ALMS1: variants seen among roughly 807,000 people sequenced by gnomAD.
ALMS1 encodes the protein centrosome-associated protein ALMS1.
ALMS1 carries 271 observed loss-of-function variants against 352.2 expected under a neutral mutation model. That is an observed-to-expected ratio of 0.77 (90% CI 0.70 to 0.85). The LOEUF is 0.85. Among genes scored for constraint, ALMS1 ranks in the 40% least tolerant of loss-of-function variants. ALMS1 has a pLI of 0.00. For missense variants in ALMS1, 5,445 were observed against 4,870.7 expected (o/e 1.12, Z -3.51); for synonymous variants, 1,865 against 1,761.2 (o/e 1.06, Z -1.48).
chr2:73,403,657 T>C (rs1670915503), intron 1 of ALMS1, among the ~76,000 whole-genome samples: 1 of 152,212 alleles, frequency 6.6e-6, no homozygotes, highest in Non-Finnish European at 1.5e-5. Context: ...TTTCAGTCTG[T>C]GAACATGGAA....
At chr2:73,553,264 A>G (rs1337169969) in intron 13 of ALMS1, among the ~76,000 whole-genome samples, 1 of 152,226 alleles carries the variant, frequency 6.6e-6, no homozygotes, top group Non-Finnish European at 1.5e-5. Flanking sequence ...AGAGAAAATT[A>G]TTTCACTAAA....
intron 3 of ALMS1, among the ~76,000 whole-genome samples, chr2:73,421,007 A>G (rs988526614): frequency 1.2e-4 from 19 of 152,190 alleles, no homozygotes; most frequent in African/African-American, 4.6e-4. Flanking sequence ...ATGGCAAGTA[A>G]AATACACCAC....
intron 9 of ALMS1, among the ~76,000 whole-genome samples, chr2:73,473,703 A>G (rs562151711): frequency 6.6e-6 from 1 of 152,246 alleles, no homozygotes; most frequent in Non-Finnish European, 1.5e-5. Context: ...TATAAAAAGG[A>G]AACAAATAGA....
chr2:73,553,786 A>G (rs6740766), intron 13 of ALMS1, among the ~76,000 whole-genome samples: 46,325 of 152,010 alleles, frequency 0.3, 8,614 homozygotes, highest in African/African-American at 0.53. Flanking sequence ...ATGAAAGGAT[A>G]TATATGGGTA....
rs1553409872 is a variant in ALMS1, at chr2:73,491,336, A to G, written c.9377A>G (p.Gln3126Arg). The G allele has an allele frequency of 5.6e-6, 9 of 1,614,218 alleles. No individual in the cohort carries two copies. Among genetic ancestry groups the G allele is most frequent in the Non-Finnish European group, 7.6e-6 (9 of 1,180,028 alleles). The change falls in exon 10 of 23, where the codon CAA becomes CGA. Residue 3126 changes from glutamine (Q) to arginine (R), a missense_variant. Coordinates refer to ENST00000613296, the MANE Select transcript of ALMS1 (RefSeq NM_001378454.1). The part of the protein sequence containing the change: ...FLGPKSSLDF[Q>R]VVQPSLPDSN... ...GGACCTAAATCTTCACTGGATTTCC[A>G]AGTCGTACAGCCTTCTCTTCCAGAC...
At chr2:73,506,856 G>A (rs564101072) in intron 10 of ALMS1, among the ~76,000 whole-genome samples, 6 of 152,040 alleles carry the variant, frequency 3.9e-5, no homozygotes, top group Admixed American at 1.3e-4. Flanking sequence ...GCATTGTGTC[G>A]GTTTTCAAAG....
intron 13 of ALMS1, among the ~76,000 whole-genome samples, chr2:73,556,728 A>G (rs1238031218): frequency 6.6e-6 from 1 of 151,318 alleles, no homozygotes; most frequent in African/African-American, 2.4e-5. Flanking sequence ...TTTTTGAGAC[A>G]GAGTCTCACT....
intron 10 of ALMS1, among the ~76,000 whole-genome samples, chr2:73,504,986 T>G (rs773121596): frequency 6.6e-6 from 1 of 152,202 alleles, no homozygotes; most frequent in Non-Finnish European, 1.5e-5. Flanking sequence ...TGGTTTTCTA[T>G]TCCTGTGTTA....
chr2:73,520,353 A>G (rs1295838081), intron 11 of ALMS1, among the ~76,000 whole-genome samples: 1 of 152,196 alleles, frequency 6.6e-6, no homozygotes, highest in African/African-American at 2.4e-5. Context: ...ATTATCTTGT[A>G]TTACAGTAAC....
At chr2:73,398,975 C>G (rs956917549) in intron 1 of ALMS1, among the ~76,000 whole-genome samples, 8 of 152,128 alleles carry the variant, frequency 5.3e-5, no homozygotes, top group African/African-American at 1.9e-4. Context: ...TTCTGAGTAG[C>G]TGGGATTACA....
chr2:73,488,042 A>G (rs1042016873), intron 9 of ALMS1, among the ~76,000 whole-genome samples: 2 of 152,194 alleles, frequency 1.3e-5, no homozygotes, highest in Non-Finnish European at 2.9e-5. Context: ...AAAAAGCACT[A>G]TAAGTTCTCC....
intron 11 of ALMS1, among the ~76,000 whole-genome samples, chr2:73,523,153 G>A (rs1486669814): frequency 6.6e-6 from 1 of 152,158 alleles, no homozygotes; most frequent in African/African-American, 2.4e-5. Flanking sequence ...CTATGGTTCA[G>A]AGCATATCCC....
At chr2:73,562,368 A>G (rs190458890) in intron 15 of ALMS1, among the ~76,000 whole-genome samples, 60 of 152,244 alleles carry the variant, frequency 3.9e-4, no homozygotes, top group African/African-American at 1.4e-3. Flanking sequence ...AAGTCCTAGG[A>G]AAATTTTGTA....
intron 1 of ALMS1, 78 bp downstream of exon 1, chr2:73,386,270 G>T: frequency 6.3e-6 from 9 of 1,417,976 alleles, no homozygotes; most frequent in Non-Finnish European, 8.3e-6. Flanking sequence ...CCGCCCGCCC[G>T]CAGGTCACGC....
chr2:73,461,735 A>G (rs1250419301), intron 9 of ALMS1, among the ~76,000 whole-genome samples: 1 of 152,234 alleles, frequency 6.6e-6, no homozygotes, highest in African/African-American at 2.4e-5. Context: ...GATACCTAGA[A>G]TAACCAATGC....
intron 2 of ALMS1, among the ~76,000 whole-genome samples, chr2:73,417,068 G>A (rs1230069370): frequency 6.6e-6 from 1 of 151,952 alleles, no homozygotes; most frequent in East Asian, 1.9e-4. Flanking sequence ...ATTCTGGCCT[G>A]GTTAACAGAG....
rs139304667 is a variant in ALMS1 at position 73,454,376 on chromosome 2, G to T, written c.7540+309G>T. 270 of 985,160 alleles carry T rather than the reference G, an allele frequency of 2.7e-4. 2 individuals carry two copies. The African/African-American group carries it at 4.3e-3, about 16-fold the overall frequency. 61.0% of individuals were successfully genotyped at this position (985,160 alleles called of 1,614,324 possible). On this transcript the variant is annotated intron_variant, in intron 8 of 22. Transcript: ENST00000613296. ...ATTCTGATGTATGACAGAGAGTAAA[G>T]AGGTCGCTTGGGCTCCTGAGCTCCT...
At position 73,602,264 on chromosome 2, in the gene ALMS1, A is replaced by G. The variant is rs1275675373; in HGVS notation, c.12194A>G (p.Glu4065Gly). Residue 4065 changes from glutamate (E) to glycine (G), a missense_variant, in exon 20 of 23, where the codon GAG becomes GGG. Coordinates refer to ENST00000613296, the MANE Select transcript of ALMS1 (RefSeq NM_001378454.1). ...AAGCGCCTGAAGTTAATAGTCCAGGAGAGGAAGCTGCAGAGCATGTTACAG... is the reference window on the plus strand; with the variant it reads ...AAGCGCCTGAAGTTAATAGTCCAGGGGAGGAAGCTGCAGAGCATGTTACAG... The part of the protein sequence containing the change: ...RIKRLKLIVQ[E>G]RKLQSMLQTE... The G allele has an allele frequency of 2.0e-5, 32 of 1,614,170 alleles. No individual in the cohort carries two copies. Among genetic ancestry groups the G allele is most frequent in the Non-Finnish European group, 2.7e-5 (32 of 1,180,012 alleles).
At position 73,453,361 on chromosome 2, in the gene ALMS1, T is replaced by C. The variant is rs1225696175; in HGVS notation, c.6834T>C (p.Asn2278=). The C allele has an allele frequency of 6.2e-7, 1 of 1,613,874 alleles. No homozygotes were observed. The highest frequency in any genetic ancestry group is 8.5e-7 in the Non-Finnish European group (1 of 1,179,954). ...EAENMALKRC[N]FPAPLARFRD... is the part of the protein sequence containing the mutation. ...AAAATATGGCACTGAAACGATGCAA[T>C]TTTCCTGCTCCCCTTGCCCGTTTCA... The change falls in exon 8 of 23, where the codon AAT becomes AAC. Residue 2278 remains asparagine, a synonymous_variant. Transcript: ENST00000613296.
Sources: allele counts gnomAD v4.1 joint callset (sites outside exome capture counted in the v4.1 genomes callset), GRCh38; gene constraint gnomAD v4.1.1; transcripts MANE v1.5; gene names NCBI Gene and HGNC (gene_info 2026-07-23, HGNC 2026-07-21).